The following INPP5D variants were observed in gnomAD, a reference collection of about 807,000 sequenced individuals.
INPP5D encodes the protein phosphatidylinositol 3,4,5-trisphosphate 5-phosphatase 1.
Under a neutral mutation model 122.9 loss-of-function variants are expected in INPP5D, and 33 were observed. That is an observed-to-expected ratio of 0.27 (90% CI 0.20 to 0.36). INPP5D has a LOEUF of 0.36. INPP5D is among the 10% of genes least tolerant of loss of function. The pLI is 1.00. For missense variants in INPP5D, 1,053 were observed against 1,412.7 expected (o/e 0.75, Z 4.08); for synonymous variants, 584 against 576.2 (o/e 1.01, Z -0.19).
chr2:233,139,466 CTGTGTGTGTGTG>C (rs1191977468), intron 5 of INPP5D, among the ~76,000 whole-genome samples: 182 of 147,548 alleles, frequency 1.2e-3, no homozygotes, highest in African/African-American at 2.9e-3. Context: ...TTGTTAACAC[CTGTGTGTGTGTG>C]TGTGTGTGTG....
At chr2:233,072,580 C>T (rs1691409380) in intron 1 of INPP5D, among the ~76,000 whole-genome samples, 1 of 152,158 alleles carries the variant, frequency 6.6e-6, no homozygotes, top group Non-Finnish European at 1.5e-5. Flanking sequence ...GTTGGTAAAG[C>T]CACTTCTTCT....
intron 1 of INPP5D, 89 bp from the exon 2 acceptor site, chr2:233,079,246 C>T: frequency 1.2e-6 from 1 of 828,986 alleles, no homozygotes; most frequent in East Asian, 2.5e-5. Context: ...CCAGATTCCT[C>T]AAGCTGTGTC....
intron 22 of INPP5D, among the ~76,000 whole-genome samples, chr2:233,192,806 G>C (rs552963830): frequency 6.6e-6 from 1 of 152,334 alleles, no homozygotes; most frequent in South Asian, 2.1e-4. Context: ...GTGTCAATCA[G>C]TGTTTGTGCT....
chr2:233,108,424 C>T (rs977627577), intron 2 of INPP5D, among the ~76,000 whole-genome samples: 2 of 152,250 alleles, frequency 1.3e-5, no homozygotes, highest in South Asian at 2.1e-4. Context: ...GATATCAAAC[C>T]CACCTGCACT....
At chr2:233,139,696 T>G in intron 5 of INPP5D, 146 bp from the exon 6 acceptor site, 1 of 390,182 alleles carries the variant, frequency 2.6e-6, no homozygotes, top group Non-Finnish European at 4.5e-6. Flanking sequence ...AGCCTTGATC[T>G]TTGCCCGGGC....
intron 2 of INPP5D, among the ~76,000 whole-genome samples, chr2:233,121,121 C>CTTTTTTTT (rs369587747): frequency 8.5e-6 from 1 of 117,644 alleles, no homozygotes; most frequent in East Asian, 2.2e-4. Context: ...TTCTTTCTTT[C>CTTTTTTTT]TTTTTTTTTT....
At chr2:233,143,207 A>G (rs1693665808) in intron 6 of INPP5D, among the ~76,000 whole-genome samples, 1 of 152,258 alleles carries the variant, frequency 6.6e-6, no homozygotes, top group Non-Finnish European at 1.5e-5. Context: ...ATCATTAGGC[A>G]GAAGTATGGG....
intron 2 of INPP5D, among the ~76,000 whole-genome samples, chr2:233,097,971 C>T (rs1361421624): frequency 1.3e-5 from 2 of 151,936 alleles, no homozygotes; most frequent in African/African-American, 4.8e-5. Flanking sequence ...CTGCAACCTG[C>T]ACCTCCCAGG....
intron 2 of INPP5D, among the ~76,000 whole-genome samples, chr2:233,098,341 A>G (rs1692205823): frequency 6.6e-6 from 1 of 152,168 alleles, no homozygotes; most frequent in Non-Finnish European, 1.5e-5. Context: ...GGAGCTGGAA[A>G]ACTTAGCCAG....
intron 25 of INPP5D, among the ~76,000 whole-genome samples, chr2:233,200,771 C>G (rs1344853929): frequency 6.6e-6 from 1 of 152,000 alleles, no homozygotes; most frequent in African/African-American, 2.4e-5. Context: ...CCAGCCTGAC[C>G]AACACGGTGA....
chr2:233,156,801 A>C (rs1310807337), intron 9 of INPP5D, among the ~76,000 whole-genome samples: 2 of 152,232 alleles, frequency 1.3e-5, no homozygotes, highest in African/African-American at 4.8e-5. Context: ...GGTGCTCAGC[A>C]TAAACCATAT....
At chr2:233,157,922 T>C (rs1012838894) in intron 9 of INPP5D, among the ~76,000 whole-genome samples, 3 of 151,462 alleles carry the variant, frequency 2.0e-5, no homozygotes, top group African/African-American at 7.3e-5. Context: ...CAGTAAAATG[T>C]AAAATTAAAT....
At chr2:233,117,620 C>CG (rs200881877) in intron 2 of INPP5D, among the ~76,000 whole-genome samples, 2,464 of 152,122 alleles carry the variant, frequency 0.016, 26 homozygotes, top group Non-Finnish European at 0.024. Context: ...ACTATGAGTT[C>CG]GGGGGGGCTG....
chr2:233,114,021 C>T (rs1275077307), intron 2 of INPP5D, among the ~76,000 whole-genome samples: 2 of 151,750 alleles, frequency 1.3e-5, no homozygotes, highest in African/African-American at 4.9e-5. Context: ...CGCCATTCTC[C>T]TGCTTCAGCC....
intron 17 of INPP5D, among the ~76,000 whole-genome samples, chr2:233,173,441 C>T (rs1404165296): frequency 6.6e-6 from 1 of 152,092 alleles, no homozygotes; most frequent in African/African-American, 2.4e-5. Context: ...CCTTAGCTTA[C>T]TGTAATTTTT....
At chr2:233,123,066 C>T (rs75148422) in intron 3 of INPP5D, among the ~76,000 whole-genome samples, 1 of 152,036 alleles carries the variant, frequency 6.6e-6, no homozygotes, top group Non-Finnish European at 1.5e-5. Context: ...AGGAGGAGAC[C>T]CTTGCACCTA....
Position 233,188,723 on chromosome 2 carries a change from C to T in INPP5D, c.2359-1127C>T, listed in dbSNP as rs574348964. ...ACGACAGGCACGCCCCATCAAGCCT[C>T]GCTAATTTCTGTATTTTTTAGTAGA... On this transcript the variant is annotated intron_variant, in intron 21 of 26. Transcript: ENST00000445964. This position sits in a 1 kb window ranked among gnomAD's most constrained non-coding sequence, Gnocchi z 4.7. 4.6e-5 allele frequency among the ~76,000 whole-genome samples: 7 copies of T among 152,116 alleles called. No homozygotes were observed. Among genetic ancestry groups the T allele is most frequent in the Admixed American group, 2.0e-4 (3 of 15,270 alleles).
intron 9 of INPP5D, 64 bp downstream of exon 9, chr2:233,147,658 G>A (rs1203994697): frequency 2.9e-6 from 2 of 692,440 alleles, no homozygotes; most frequent in Non-Finnish European, 5.3e-6. Context: ...TGCCCTCTCA[G>A]CTCACCTCTC....
At chr2:233,118,138 T>A (rs2106251238) in intron 2 of INPP5D, among the ~76,000 whole-genome samples, 1 of 152,240 alleles carries the variant, frequency 6.6e-6, no homozygotes, top group Non-Finnish European at 1.5e-5. Context: ...GGCCTGTGGA[T>A]GTCAATACAC....
Sources: allele counts gnomAD v4.1 joint callset (sites outside exome capture counted in the v4.1 genomes callset), GRCh38; gene constraint gnomAD v4.1.1; non-coding constraint Gnocchi (gnomAD v3.1); transcripts MANE v1.5; gene names NCBI Gene and HGNC (gene_info 2026-07-23, HGNC 2026-07-21).